The following RYR1 variants were observed in gnomAD, a reference collection of about 807,000 sequenced individuals.
RYR1 encodes ryanodine receptor 1.
Under a neutral mutation model 583.5 loss-of-function variants are expected in RYR1, and 342 were observed. That is an observed-to-expected ratio of 0.59 (90% CI 0.54 to 0.64). RYR1 has a LOEUF of 0.64. Among genes scored for constraint, RYR1 ranks in the 30% least tolerant of loss-of-function variants. RYR1 has a pLI of 0.00. For missense variants in RYR1, 6,032 were observed against 6,917.2 expected (o/e 0.87, Z 4.54); for synonymous variants, 2,791 against 2,822.5 (o/e 0.99, Z 0.35).
intron 101 of RYR1, 76 bp from the exon 102 acceptor site, chr19:38,584,867 C>G (rs1974397661): frequency 6.3e-7 from 1 of 1,579,654 alleles, no homozygotes; most frequent in African/African-American, 1.3e-5. Flanking sequence ...GTCTTCAGCC[C>G]TGCCTATCCC....
rs747700902 is a variant in RYR1 at position 38,490,070 on chromosome 19, C to G, written c.5815-6C>G. The G allele has an allele frequency of 3.5e-5, 56 of 1,613,804 alleles. No individual in the cohort carries two copies. In the Middle Eastern group the frequency reaches 1.2e-3, roughly 34 times the overall value. Reference sequence around the variant, plus strand: ...TCTCTCCTCCCACACGGCTGTCCTTCCACAGATGTGCCACCTGCTGGAGTA... The same window carrying G: ...TCTCTCCTCCCACACGGCTGTCCTTGCACAGATGTGCCACCTGCTGGAGTA... On this transcript the variant is annotated splice_region_variant and splice_polypyrimidine_tract_variant and intron_variant, in intron 35 of 105. Coordinates refer to ENST00000359596, the MANE Select transcript of RYR1 (RefSeq NM_000540.3).
chr19:38,506,399 G>A (rs201647922), intron 55 of RYR1, 22 bp downstream of exon 55: 1 of 1,613,848 alleles, frequency 6.2e-7, no homozygotes, highest in Non-Finnish European at 8.5e-7. Flanking sequence ...GATCCTTTTG[G>A]GGGGACATAG....
At position 38,486,076 on chromosome 19, in the gene RYR1, G is replaced by C; in HGVS notation, c.5421G>C (p.Leu1807=). 6.2e-7 allele frequency: 1 copy of C among 1,612,552 alleles called. No individual in the cohort carries two copies. The highest frequency in any genetic ancestry group is 8.5e-7 in the Non-Finnish European group (1 of 1,179,310). The part of the protein sequence containing the change: ...RLSPAIPLEA[L]RDKALRMLGE... ...GCCCTGCCATCCCGCTGGAGGCCCT[G>C]CGGGACAAGGCACTGAGGATGCTGG... The change falls in exon 34 of 106, where the codon CTG becomes CTC. Residue 1807 remains leucine (L), a synonymous_variant. Transcript: ENST00000359596.
At chr19:38,521,716 T>A (rs186080753) in intron 67 of RYR1, among the ~76,000 whole-genome samples, 14,003 of 139,004 alleles carry the variant, frequency 0.1, 736 homozygotes, top group South Asian at 0.26. Flanking sequence ...AAAAAGAAAA[T>A]TTTTTTTTTT....
intron 1 of RYR1, among the ~76,000 whole-genome samples, chr19:38,434,972 C>T (rs1013759161): frequency 6.6e-6 from 1 of 152,162 alleles, no homozygotes; most frequent in Non-Finnish European, 1.5e-5. Flanking sequence ...ATGGGGACAG[C>T]TGGGAAGGGG....
intron 1 of RYR1, among the ~76,000 whole-genome samples, chr19:38,436,604 G>A (rs1322879735): frequency 5.9e-5 from 9 of 152,110 alleles, no homozygotes; most frequent in Admixed American, 2.6e-4. Context: ...TCCATTGTGC[G>A]ACTATACTGT....
intron 47 of RYR1, among the ~76,000 whole-genome samples, chr19:38,501,677 C>T (rs1208729606): frequency 6.6e-6 from 1 of 152,044 alleles, no homozygotes; most frequent in African/African-American, 2.4e-5. Context: ...GGGACAGAAG[C>T]CTTCCGAGAG....
At position 38,507,772 on chromosome 19, in the gene RYR1, C is replaced by G. The variant is rs1568515587; in HGVS notation, c.8877C>G (p.Phe2959Leu). Residue 2959 changes from phenylalanine to leucine, a missense_variant, in exon 58 of 106, where the codon TTC (phenylalanine) becomes TTG (leucine). Phe to Leu is a conservative substitution (Grantham distance 22). Transcript: ENST00000359596. ...SSIEKRFAFG[F>L]LQQLLRWMDI... ...TTGAAAAGCGGTTTGCCTTTGGCTT[C>G]CTGCAGCAGCTGCTGCGCTGGATGG... 6.2e-7 allele frequency: 1 copy of G among 1,614,004 alleles called. No homozygotes were observed. The highest frequency in any genetic ancestry group is 1.7e-5 in the Admixed American group (1 of 60,020).
chr19:38,487,494 C>T (rs1034291947), intron 34 of RYR1, among the ~76,000 whole-genome samples: 3 of 152,060 alleles, frequency 2.0e-5, no homozygotes, highest in African/African-American at 4.8e-5. Flanking sequence ...GATGGGATTA[C>T]AGGTGCCCGC....
intron 20 of RYR1, among the ~76,000 whole-genome samples, chr19:38,462,594 A>AC (rs1221043081): frequency 6.9e-6 from 1 of 145,788 alleles, no homozygotes; most frequent in African/African-American, 2.5e-5. Context: ...CTAGGCTCTT[A>AC]CCCTCTGCCA....
chr19:38,460,459 C>T lies in RYR1; in HGVS notation c.2445C>T (p.Leu815=), dbSNP rs773408738. 3.1e-6 allele frequency: 5 copies of T among 1,614,110 alleles called. No homozygotes were observed. The highest frequency in any genetic ancestry group is 3.4e-6 in the Non-Finnish European group (4 of 1,180,060). The change falls in exon 20 of 106, where the codon CTC becomes CTT. Residue 815 remains leucine, a synonymous_variant. Coordinates refer to ENST00000359596, the MANE Select transcript of RYR1 (RefSeq NM_000540.3). ...PGYAPCHEAV[L]PRERLHLEPI... ...ATGCTCCATGCCATGAGGCTGTGCT[C>T]CCTCGAGAGCGACTCCATCTTGAAC...
At chr19:38,475,575 C>T (rs1176365860) in intron 29 of RYR1, 125 bp downstream of exon 29, 1 of 1,165,586 alleles carries the variant, frequency 8.6e-7, no homozygotes, top group Non-Finnish European at 1.2e-6. Flanking sequence ...CCAATATACA[C>T]TAGAAACTCA....
At position 38,542,310 on chromosome 19, in the gene RYR1, T is replaced by C. The variant is rs1417199004; in HGVS notation, c.11690-1037T>C. 3.3e-5 allele frequency among the ~76,000 whole-genome samples: 5 copies of C among 151,994 alleles called. No individual in the cohort carries two copies. The South Asian group carries it at 8.3e-4, about 25-fold the overall frequency. ...CTTTAGTAGGTGCTCAATAAATATT[T>C]GTTGGATAAATGCATGAATATCCCC... On this transcript the variant is annotated intron_variant, in intron 84 of 105. Coordinates refer to ENST00000359596, the MANE Select transcript of RYR1 (RefSeq NM_000540.3).
chr19:38,463,859 C>T lies in RYR1; in HGVS notation c.2786+9C>T, dbSNP rs368883218. On this transcript the variant is annotated intron_variant, in intron 22 of 105. Coordinates refer to ENST00000359596, the MANE Select transcript of RYR1 (RefSeq NM_000540.3). ...TCTGGGGAGACGCTCAAGTGAGGGCCCAGGGGAGCCGGGGGTTGGGGCTGG... is the reference window on the plus strand; with the variant it reads ...TCTGGGGAGACGCTCAAGTGAGGGCTCAGGGGAGCCGGGGGTTGGGGCTGG... 13 of 1,610,562 alleles carry T rather than the reference C, an allele frequency of 8.1e-6. No individual in the cohort carries two copies. Among genetic ancestry groups the T allele is most frequent in the Admixed American group, 3.3e-5 (2 of 59,946 alleles).
In RYR1 at chr19:38,505,979, A is replaced by ATG; in HGVS notation, c.8541+33_8541+34insTG. On this transcript the variant is annotated intron_variant, in intron 54 of 105. Transcript: ENST00000359596. ...CGGGGCCTGGGTGGAGGGCAGGGGC[A>ATG]CGATGGGGGGAGGGTCTAGAACAAG... 26 of 1,529,560 alleles carry ATG rather than the reference A, an allele frequency of 1.7e-5. 1 individual carries two copies. The highest frequency in any genetic ancestry group is 2.4e-5 in the East Asian group (1 of 42,324). 94.7% of individuals were successfully genotyped at this position (1,529,560 alleles called of 1,614,324 possible). A position where few individuals can be genotyped will look rare whatever the true frequency, so the allele number is the denominator to read the frequency against.
intron 66 of RYR1, among the ~76,000 whole-genome samples, 154 bp from the exon 67 acceptor site, chr19:38,519,060 C>G (rs1445024799): frequency 1.3e-5 from 2 of 151,892 alleles, no homozygotes; most frequent in Non-Finnish European, 2.9e-5. Context: ...TGGCTGGGAT[C>G]AGTGTTCAGG....
At chr19:38,536,612 C>T in intron 82 of RYR1, 138 bp from the exon 83 acceptor site, 1 of 975,610 alleles carries the variant, frequency 1.0e-6, no homozygotes, top group South Asian at 1.4e-5. Context: ...GCCTTTCTCT[C>T]TGTGGGTTGT....
At position 38,473,388 on chromosome 19, in the gene RYR1, G is replaced by T. The variant is rs777626357; in HGVS notation, c.3777G>T (p.Val1259=). 3 of 1,613,766 alleles carry T rather than the reference G, an allele frequency of 1.9e-6. No individual in the cohort carries two copies. In the South Asian group the frequency reaches 3.3e-5, roughly 18 times the overall value. Residue 1259 remains valine (V), a synonymous_variant, in exon 28 of 106, where the codon GTG becomes GTT. Transcript: ENST00000359596. The part of the protein sequence containing the change: ...LEHPHYEVSR[V]DGTVDTPPCL... ...CCCTGCCACCTCAGGTATCCCGAGT[G>T]GACGGCACTGTGGACACGCCCCCCT...
In RYR1 at chr19:38,586,128, T is replaced by C; in HGVS notation, c.14906T>C (p.Phe4969Ser). ...ATCTGTGGAATCGGCAGTGACTACT[T>C]TGATACGACACCGCATGGCTTCGAG... is the stretch of plus-strand genomic sequence containing the variant. The part of the protein sequence containing the change: ...CFICGIGSDY[F>S]DTTPHGFETH... The change falls in exon 104 of 106, where the codon TTT (phenylalanine) becomes TCT (serine). Residue 4969 changes from phenylalanine (F) to serine (S), a missense_variant. Coordinates refer to ENST00000359596, the MANE Select transcript of RYR1 (RefSeq NM_000540.3). 6.2e-7 allele frequency: 1 copy of C among 1,614,154 alleles called. No individual in the cohort carries two copies. Among genetic ancestry groups the C allele is most frequent in the South Asian group, 1.1e-5 (1 of 91,082 alleles).
Sources: gnomAD v4.1 joint callset for allele counts (sites outside exome capture counted in the v4.1 genomes callset) on GRCh38, gnomAD v4.1.1 for gene constraint, MANE v1.5 for transcripts, NCBI Gene and HGNC (gene_info 2026-07-23, HGNC 2026-07-21) for gene names.